SLC37A1: variants seen among roughly 807,000 people sequenced by gnomAD.
The protein encoded by SLC37A1 is glucose-6-phosphate exchanger SLC37A1.
SLC37A1 carries 49 observed loss-of-function variants against 75.3 expected under a neutral mutation model. The observed-to-expected ratio is 0.65, with a 90% confidence interval of 0.52 to 0.83. SLC37A1 has a LOEUF of 0.83. Ranked by LOEUF, SLC37A1 falls within the 40% of genes least tolerant of loss-of-function variation. The pLI, the probability that SLC37A1 is intolerant of heterozygous loss-of-function variation, is 0.00. For missense variants in SLC37A1, 566 were observed against 695.0 expected, an observed-to-expected ratio of 0.81 and a Z score of 2.09; for synonymous variants, 268 against 292.1, an observed-to-expected ratio of 0.92 and a Z score of 0.84.
rs369464203 is a variant in SLC37A1 at position 42,558,961 on chromosome 21, C to T, written c.853C>T (p.Pro285Ser). Residue 285 changes from proline (P) to serine (S), a missense_variant, in exon 11 of 20, where the codon CCA becomes TCA. Physicochemically the swap from Pro to Ser is moderately conservative, Grantham distance 74 (BLOSUM62 -1). Coordinates refer to ENST00000352133, the MANE Select transcript of SLC37A1 (RefSeq NM_001320537.2). Reference sequence around the variant, plus strand: ...TTCCCAATGGATTTGCCTCCAGGACCCAGAGATGCAGTGCCTGCTGCTCTC... The same window carrying T: ...TTCCCAATGGATTTGCCTCCAGGACTCAGAGATGCAGTGCCTGCTGCTCTC... ...LKSEKNKPLD[P>S]EMQCLLLSDG... 6.2e-7 allele frequency: 1 copy of T among 1,613,720 alleles called. No individual in the cohort carries two copies. The highest frequency in any genetic ancestry group is 1.3e-5 in the African/African-American group (1 of 74,860).
In SLC37A1 at chr21:42,547,292, T is replaced by C. The variant is rs898246002; in HGVS notation, c.768+152T>C. ...CATTGGCAGTTCTAGGAATAGAGAA[T>C]ATTCTGTTTTGGGTTTCGCTGATAA... On this transcript the variant is annotated intron_variant, in intron 9 of 19. Coordinates refer to ENST00000352133, the MANE Select transcript of SLC37A1 (RefSeq NM_001320537.2). The surrounding 1 kb of genome is among the most constrained non-coding windows in gnomAD (Gnocchi z 6.1). 5 of 820,946 alleles carry C rather than the reference T, an allele frequency of 6.1e-6. No homozygotes were observed. Among genetic ancestry groups the C allele is most frequent in the Non-Finnish European group, 9.9e-6 (5 of 502,662 alleles). 50.9% of individuals were successfully genotyped at this position (820,946 alleles called of 1,614,324 possible). A position where few individuals can be genotyped will look rare whatever the true frequency, so the allele number is the denominator to read the frequency against.
chr21:42,515,178 T>C (rs917029680), intron 1 of SLC37A1, among the ~76,000 whole-genome samples: 5 of 152,086 alleles, frequency 3.3e-5, no homozygotes, highest in African/African-American at 1.2e-4. Flanking sequence ...AAAGAGATAG[T>C]GACCATTTTC....
At chr21:42,533,787 G>A (rs1208944836) in intron 3 of SLC37A1, among the ~76,000 whole-genome samples, 3 of 152,168 alleles carry the variant, frequency 2.0e-5, no homozygotes, top group Non-Finnish European at 2.9e-5. Flanking sequence ...GTCTGCAGAG[G>A]GGGAGACCGA....
intron 2 of SLC37A1, among the ~76,000 whole-genome samples, chr21:42,508,417 C>A (rs1160964470): frequency 6.6e-6 from 1 of 152,220 alleles, no homozygotes; most frequent in African/African-American, 2.4e-5. Flanking sequence ...GCATGAGCCA[C>A]CGTGCCTGGC....
chr21:42,553,966 T>C (rs2055618806), intron 9 of SLC37A1, 96 bp from the exon 10 acceptor site: 1 of 982,898 alleles, frequency 1.0e-6, no homozygotes, highest in Admixed American at 2.7e-5. Flanking sequence ...GGTAGCTTTT[T>C]TGGGACGATA....
intron 13 of SLC37A1, among the ~76,000 whole-genome samples, chr21:42,564,322 G>C (rs2055916366): frequency 6.6e-6 from 1 of 152,008 alleles, no homozygotes; most frequent in African/African-American, 2.4e-5. Context: ...CTGGGAGGTT[G>C]AGGCTGCAGT....
intron 18 of SLC37A1, among the ~76,000 whole-genome samples, chr21:42,577,791 C>A (rs1187564448): frequency 6.6e-6 from 1 of 152,176 alleles, no homozygotes; most frequent in Admixed American, 6.5e-5. Flanking sequence ...AATACAGGCA[C>A]TGGTTATTTA....
chr21:42,525,661 TG>T, intron 2 of SLC37A1, 114 bp from the exon 3 acceptor site: 1 of 701,842 alleles, frequency 1.4e-6, no homozygotes, highest in Non-Finnish European at 2.5e-6. Flanking sequence ...TGATAATGGC[TG>T]TAGAACTGAA....
intron 17 of SLC37A1, among the ~76,000 whole-genome samples, chr21:42,569,364 C>G (rs1266649978): frequency 6.6e-6 from 1 of 152,192 alleles, no homozygotes; most frequent in Non-Finnish European, 1.5e-5. Flanking sequence ...CTCAGTGATG[C>G]AGAATGCAAA....
chr21:42,567,050 G>T lies in SLC37A1; in HGVS notation c.1336G>T (p.Ala446Ser), dbSNP rs776042921. The stretch of plus-strand genomic sequence containing the variant: ...CACACTCATCACCACCGCCGTCTCC[G>T]CCGACCTGGTGAGTAGAACCGGGAG... ...PYTLITTAVS[A>S]DLGTHKSLKG... Residue 446 changes from alanine (A) to serine (S), a missense_variant, in exon 16 of 20, where the codon GCC (alanine) becomes TCC (serine). Physicochemically the swap from Ala to Ser is moderately conservative, Grantham distance 99. Coordinates refer to ENST00000352133, the MANE Select transcript of SLC37A1 (RefSeq NM_001320537.2). 4 of 1,609,132 alleles carry T rather than the reference G, an allele frequency of 2.5e-6. No homozygotes were observed. The East Asian group carries it at 8.9e-5, about 36-fold the overall frequency.
chr21:42,566,944 G>C, intron 15 of SLC37A1, 41 bp from the exon 16 acceptor site: 1 of 1,588,388 alleles, frequency 6.3e-7, no homozygotes. Context: ...GGGGCTCTCT[G>C]GAGGGCACAT....
At chr21:42,541,145 A>G (rs891761972) in intron 6 of SLC37A1, among the ~76,000 whole-genome samples, 1 of 152,168 alleles carries the variant, frequency 6.6e-6, no homozygotes, top group Non-Finnish European at 1.5e-5. Context: ...CACAACCTGG[A>G]TCCCTCACAT....
At chr21:42,502,612 T>C (rs758863179) in intron 2 of SLC37A1, 3 of 152,254 alleles carry the variant, frequency 2.0e-5, no homozygotes, top group Non-Finnish European at 4.4e-5. Flanking sequence ...TCTGTATATG[T>C]TGTTTTCTCT....
At chr21:42,508,400 A>G (rs2054404400) in intron 2 of SLC37A1, among the ~76,000 whole-genome samples, 1 of 152,144 alleles carries the variant, frequency 6.6e-6, no homozygotes, top group Admixed American at 6.5e-5. Flanking sequence ...GAGTGCTGGG[A>G]TTACAGGCAT....
chr21:42,550,877 T>G (rs1196176284), intron 9 of SLC37A1, among the ~76,000 whole-genome samples: 1 of 149,664 alleles, frequency 6.7e-6, no homozygotes, highest in Non-Finnish European at 1.5e-5. Context: ...CCAGCACCCT[T>G]TCATGTGAAA....
chr21:42,560,161 G>C (rs947889368), intron 11 of SLC37A1, among the ~76,000 whole-genome samples: 1 of 152,204 alleles, frequency 6.6e-6, no homozygotes, highest in African/African-American at 2.4e-5. Context: ...GAGATTTCTT[G>C]CTGCTTTCAG....
intron 6 of SLC37A1, among the ~76,000 whole-genome samples, chr21:42,541,034 A>G (rs1016560963): frequency 1.3e-5 from 2 of 152,188 alleles, no homozygotes; most frequent in Non-Finnish European, 2.9e-5. Flanking sequence ...TTTGTGGAAG[A>G]CAGTCTTTCC....
At chr21:42,568,326 C>T (rs1434311595) in intron 16 of SLC37A1, 34 bp from the exon 17 acceptor site, 9 of 1,564,178 alleles carry the variant, frequency 5.8e-6, no homozygotes, top group South Asian at 5.6e-5. Flanking sequence ...CATGCTGTGG[C>T]GATAACTGCA....
At chr21:42,566,920 GCTC>G in intron 15 of SLC37A1, 62 bp from the exon 16 acceptor site, 4 of 1,535,612 alleles carry the variant, frequency 2.6e-6, no homozygotes, top group Non-Finnish European at 2.6e-6. Flanking sequence ...ACCTCAGGCT[GCTC>G]CTATGCATGC....
Sources: allele counts gnomAD v4.1 joint callset (sites outside exome capture counted in the v4.1 genomes callset), GRCh38; gene constraint gnomAD v4.1.1; non-coding constraint Gnocchi (gnomAD v3.1); transcripts MANE v1.5; gene names NCBI Gene and HGNC (gene_info 2026-07-23, HGNC 2026-07-21).